Variants in POLDIP3 observed in about 807,000 individuals in gnomAD.
POLDIP3 encodes the protein polymerase delta-interacting protein 3.
In POLDIP3, 14 loss-of-function variants were observed where a neutral mutation model predicts 45.1. That is an observed-to-expected ratio of 0.31 (90% CI 0.20 to 0.49). POLDIP3 has a LOEUF of 0.49. Among genes scored for constraint, POLDIP3 ranks in the 20% least tolerant of loss-of-function variants. POLDIP3 has a pLI of 0.99. For synonymous variants in POLDIP3, 223 were observed against 205.2 expected, an observed-to-expected ratio of 1.09 and a Z score of -0.74; for missense variants, 511 against 538.8, an observed-to-expected ratio of 0.95 and a Z score of 0.51.
In POLDIP3 at chr22:42,587,462, T is replaced by C. The variant is rs373068342; in HGVS notation, c.1088+44A>G. On this transcript the variant is annotated intron_variant, in intron 8 of 8. Coordinates refer to ENST00000252115, the MANE Select transcript of POLDIP3 (RefSeq NM_032311.5). ...GTTTACCCATTAGAACAAAAAGAGATGGACGGAGCTGCCTCTCCCCAGCAC... is the reference window on the plus strand; with the variant it reads ...GTTTACCCATTAGAACAAAAAGAGACGGACGGAGCTGCCTCTCCCCAGCAC... The C allele has an allele frequency of 1.9e-4, 289 of 1,552,852 alleles. 1 individual carries two copies. The Middle Eastern group carries it at 3.1e-3, about 16-fold the overall frequency.
intron 1 of POLDIP3, among the ~76,000 whole-genome samples, chr22:42,612,657 C>G (rs1689460642): frequency 6.6e-6 from 1 of 152,116 alleles, no homozygotes; most frequent in Non-Finnish European, 1.5e-5. Flanking sequence ...AAAACCCCAT[C>G]TCTACTAAAA....
intron 1 of POLDIP3, among the ~76,000 whole-genome samples, chr22:42,604,203 T>A (rs1926579913): frequency 6.6e-6 from 1 of 152,160 alleles, no homozygotes; most frequent in South Asian, 2.1e-4. Flanking sequence ...TGGGAAACCC[T>A]CCCGGATTTC....
intron 1 of POLDIP3, among the ~76,000 whole-genome samples, chr22:42,609,678 ACCACTGCACTCCAGC>A (rs1336973734): frequency 6.6e-6 from 1 of 152,112 alleles, no homozygotes; most frequent in Non-Finnish European, 1.5e-5. Context: ...CCAAGATCGC[ACCACTGCACTCCAGC>A]CTGGGTGACA....
At position 42,584,698 on chromosome 22, in the gene POLDIP3, T is replaced by C; in HGVS notation, c.*1093A>G. 2.8e-6 allele frequency: 1 copy of C among 358,002 alleles called. No individual in the cohort carries two copies. Among genetic ancestry groups the C allele is most frequent in the Admixed American group, 3.8e-5 (1 of 26,294 alleles). The allele number at this position is 358,002 out of a possible 1,614,324, so 22.2% of individuals were successfully genotyped here. ...GGTAGAGCTGCCCTGCTCCCTTGAC[T>C]CCTCCTCCTCTGCCAAGGCAGGAAA... On this transcript the variant is annotated 3_prime_UTR_variant, in exon 9 of 9. Transcript: ENST00000252115.
At chr22:42,601,734 C>T (rs1447724192) in intron 3 of POLDIP3, among the ~76,000 whole-genome samples, 1 of 152,160 alleles carries the variant, frequency 6.6e-6, no homozygotes, top group African/African-American at 2.4e-5. Flanking sequence ...GCACTCCAGC[C>T]TAGCGACAGA....
At chr22:42,587,758 G>A (rs533142607) in intron 7 of POLDIP3, among the ~76,000 whole-genome samples, 186 bp from the exon 8 acceptor site, 33 of 152,304 alleles carry the variant, frequency 2.2e-4, no homozygotes, top group Middle Eastern at 6.8e-3. Flanking sequence ...AGGGCGTGAG[G>A]AAACCTCAGC....
chr22:42,600,173 G>T (rs762938719), intron 3 of POLDIP3, among the ~76,000 whole-genome samples: 17 of 152,146 alleles, frequency 1.1e-4, no homozygotes, highest in Non-Finnish European at 1.9e-4. Flanking sequence ...CACAGCAGAA[G>T]GATTTCTAAC....
At chr22:42,592,223 CG>C in intron 6 of POLDIP3, 139 bp from the exon 7 acceptor site, 3 of 1,270,986 alleles carry the variant, frequency 2.4e-6, no homozygotes, top group Non-Finnish European at 3.3e-6. Flanking sequence ...AGGCTCCACG[CG>C]AGGTGGTGCT....
At chr22:42,606,379 T>G (rs529514702) in intron 1 of POLDIP3, among the ~76,000 whole-genome samples, 29 of 151,392 alleles carry the variant, frequency 1.9e-4, no homozygotes, top group Admixed American at 8.5e-4. Flanking sequence ...CCATGTAATC[T>G]CAGCACTTTG....
intron 1 of POLDIP3, among the ~76,000 whole-genome samples, chr22:42,604,953 C>A (rs1206672319): frequency 6.6e-6 from 1 of 152,110 alleles, no homozygotes; most frequent in Non-Finnish European, 1.5e-5. Flanking sequence ...GATTAGTGCC[C>A]TTTATAAGGA....
intron 1 of POLDIP3, among the ~76,000 whole-genome samples, chr22:42,611,389 C>G (rs1192147097): frequency 6.6e-6 from 1 of 152,158 alleles, no homozygotes; most frequent in Non-Finnish European, 1.5e-5. Context: ...TGAGAACAAG[C>G]ACATTCCACA....
In POLDIP3 at chr22:42,608,122, G is replaced by T. The variant is rs1322987106; in HGVS notation, c.60-4962C>A. 2.0e-5 allele frequency among the ~76,000 whole-genome samples: 3 copies of T among 152,254 alleles called. No homozygotes were observed. In the East Asian group the frequency reaches 5.8e-4, roughly 29 times the overall value. On this transcript the variant is annotated intron_variant, in intron 1 of 8. Transcript: ENST00000252115. ...TGGCGGTTTTGTCGAATAGAAAAGG[G>T]GGAAATGTGGGGAAAAGAGAGATCA...
At chr22:42,600,587 C>T (rs915040922) in intron 3 of POLDIP3, among the ~76,000 whole-genome samples, 1 of 151,190 alleles carries the variant, frequency 6.6e-6, no homozygotes, top group Non-Finnish European at 1.5e-5. Flanking sequence ...GATCGTGCCA[C>T]TGCACTCCAG....
At chr22:42,602,111 G>A (rs367965817) in intron 2 of POLDIP3, 55 bp from the exon 3 acceptor site, 1 of 1,611,824 alleles carries the variant, frequency 6.2e-7, no homozygotes, top group African/African-American at 1.3e-5. Context: ...GCATTCTCTA[G>A]AAGAAGGGGG....
intron 4 of POLDIP3, chr22:42,597,734 G>A (rs1276623696): frequency 2.1e-6 from 1 of 470,476 alleles, no homozygotes. Context: ...GAAAGGCCTG[G>A]TCCCTTTGTA....
intron 1 of POLDIP3, among the ~76,000 whole-genome samples, chr22:42,604,862 C>T (rs906527867): frequency 6.6e-6 from 1 of 152,204 alleles, no homozygotes; most frequent in Non-Finnish European, 1.5e-5. Flanking sequence ...CTGTTGAAGC[C>T]TAATCTGCAA....
intron 6 of POLDIP3, among the ~76,000 whole-genome samples, chr22:42,593,199 CTCA>C (rs760787279): frequency 6.6e-6 from 1 of 152,110 alleles, no homozygotes; most frequent in Non-Finnish European, 1.5e-5. Flanking sequence ...TGTATTATTT[CTCA>C]TCATACTGTT....
chr22:42,585,333 C>A lies in POLDIP3; in HGVS notation c.*458G>T. ...CAGGCCGACCTGGCTCCCGTCAGGA[C>A]ACCAGGGCTCTCCATCCCCTCCATT... On this transcript the variant is annotated 3_prime_UTR_variant, in exon 9 of 9. Transcript: ENST00000252115. 1 of 479,296 alleles carries A rather than the reference C, an allele frequency of 2.1e-6. No individual in the cohort carries two copies. The highest frequency in any genetic ancestry group is 4.2e-6 in the Non-Finnish European group (1 of 240,374). 29.7% of individuals were successfully genotyped at this position (479,296 alleles called of 1,614,324 possible). A position where few individuals can be genotyped will look rare whatever the true frequency, so the allele number is the denominator to read the frequency against.
intron 7 of POLDIP3, 89 bp downstream of exon 7, chr22:42,591,866 C>A (rs995449914): frequency 1.3e-5 from 20 of 1,558,612 alleles, no homozygotes; most frequent in African/African-American, 2.7e-5. Flanking sequence ...TTCCACCCAT[C>A]TCACAGAGAC....
Sources: gnomAD v4.1 joint callset for allele counts (sites outside exome capture counted in the v4.1 genomes callset) on GRCh38, gnomAD v4.1.1 for gene constraint, MANE v1.5 for transcripts, NCBI Gene and HGNC (gene_info 2026-07-23, HGNC 2026-07-21) for gene names.